CCM2: variants seen among roughly 807,000 people sequenced by gnomAD.
The protein encoded by CCM2 is CCM2 scaffold protein.
CCM2 carries 25 observed loss-of-function variants against 44.9 expected under a neutral mutation model. The observed-to-expected ratio is 0.56, with a 90% CI of 0.41 to 0.78. The LOEUF is 0.78. Ranked by LOEUF, CCM2 falls within the 30% of genes least tolerant of loss-of-function variation. CCM2 has a pLI of 0.00. For missense variants in CCM2, 481 were observed against 580.6 expected (o/e 0.83, Z 1.76); for synonymous variants, 219 against 241.1 (o/e 0.91, Z 0.85).
intron 1 of CCM2, among the ~76,000 whole-genome samples, chr7:45,015,330 C>G (rs1796221999): frequency 1.3e-5 from 2 of 152,154 alleles, no homozygotes; most frequent in South Asian, 4.1e-4. Flanking sequence ...CTCAGTCTCC[C>G]CATAGGTTAA....
At chr7:45,068,676 C>T (rs1264486324) in intron 5 of CCM2, 97 bp downstream of exon 5, 2 of 1,478,312 alleles carry the variant, frequency 1.4e-6, no homozygotes, top group African/African-American at 2.8e-5. Flanking sequence ...GTGCTGGGCA[C>T]TGCTGGGTGC....
rs141145575 is a variant in CCM2 at position 45,031,946 on chromosome 7, C to T, written c.31-6307C>T. 4.4e-3 allele frequency among the ~76,000 whole-genome samples: 674 copies of T among 152,226 alleles called. 3 individuals are homozygous for T. Among genetic ancestry groups the T allele is most frequent in the African/African-American group, 0.015 (604 of 41,544 alleles). On this transcript the variant is annotated intron_variant, in intron 1 of 9. Coordinates refer to ENST00000258781, the MANE Select transcript of CCM2 (RefSeq NM_031443.4). ...GGTGGCTTCTTGTTCAGTTTTGTATCTGGAATAGCAGAGAGCTCTTCCCCA... is the reference window on the plus strand; with the variant it reads ...GGTGGCTTCTTGTTCAGTTTTGTATTTGGAATAGCAGAGAGCTCTTCCCCA...
At chr7:45,025,137 A>G (rs1298259742) in intron 1 of CCM2, among the ~76,000 whole-genome samples, 6 of 152,222 alleles carry the variant, frequency 3.9e-5, no homozygotes, top group South Asian at 2.1e-4. Flanking sequence ...GCCAGGGGGC[A>G]AAATTGAGGC....
rs1296322342 is a variant in CCM2 at position 45,000,208 on chromosome 7, T to A, written c.-126T>A. ...GTGGGGCGCGGCCGGGGCGGAGACT[T>A]CGGGCCCGGCTGGCGGGCGGCGCCG... On this transcript the variant is annotated 5_prime_UTR_variant, in exon 1 of 10. Transcript: ENST00000258781. 2.2e-6 allele frequency: 1 copy of A among 451,162 alleles called. No homozygotes were observed. Among genetic ancestry groups the A allele is most frequent in the Non-Finnish European group, 2.8e-6 (1 of 356,372 alleles). The allele number at this position is 451,162 out of a possible 1,614,324, so 27.9% of individuals were successfully genotyped here. A position where few individuals can be genotyped will look rare whatever the true frequency, so the allele number is the denominator to read the frequency against.
chr7:45,019,936 C>G (rs1047850940), intron 1 of CCM2, among the ~76,000 whole-genome samples: 6 of 152,264 alleles, frequency 3.9e-5, no homozygotes, highest in Admixed American at 1.3e-4. Flanking sequence ...GGAGTCTCAC[C>G]TCCGCTTACG....
At position 45,049,756 on chromosome 7, in the gene CCM2, T is replaced by G. The variant is rs186569503; in HGVS notation, c.204+11330T>G. 4.0e-5 allele frequency among the ~76,000 whole-genome samples: 6 copies of G among 150,580 alleles called. No individual in the cohort carries two copies. The South Asian group carries it at 8.5e-4, about 21-fold the overall frequency. ...AATTGCTCTTCATAAAGGGTTGAAG[T>G]CAGTGCATACGTGAGGACTCTGTGA... On this transcript the variant is annotated intron_variant, in intron 2 of 9. Coordinates refer to ENST00000258781, the MANE Select transcript of CCM2 (RefSeq NM_031443.4).
At chr7:45,074,245 C>T in intron 8 of CCM2, 25 bp from the exon 9 acceptor site, 1 of 1,613,202 alleles carries the variant, frequency 6.2e-7, no homozygotes, top group Admixed American at 1.7e-5. Context: ...TGCCCAGCCC[C>T]CTATCTGGCT....
At chr7:45,013,166 C>T (rs1337938029) in intron 1 of CCM2, among the ~76,000 whole-genome samples, 1 of 152,092 alleles carries the variant, frequency 6.6e-6, no homozygotes, top group East Asian at 1.9e-4. Flanking sequence ...TGTCTTGTCA[C>T]AGATTACCAT....
intron 2 of CCM2, among the ~76,000 whole-genome samples, chr7:45,042,529 A>G (rs2128732553): frequency 1.3e-5 from 2 of 152,242 alleles, no homozygotes; most frequent in South Asian, 4.1e-4. Flanking sequence ...AAAAATCTTG[A>G]AAGTGGCAAG....
intron 8 of CCM2, 84 bp from the exon 9 acceptor site, chr7:45,074,186 G>A: frequency 1.2e-6 from 2 of 1,602,628 alleles, no homozygotes; most frequent in Non-Finnish European, 1.7e-6. Context: ...CTCTGGCTGG[G>A]GTTAGTGGCT....
intron 2 of CCM2, among the ~76,000 whole-genome samples, chr7:45,059,887 G>A (rs988594779): frequency 6.6e-6 from 1 of 152,240 alleles, no homozygotes; most frequent in African/African-American, 2.4e-5. Context: ...AGTATTCCCA[G>A]TTCACTCCTC....
At chr7:45,036,841 A>G (rs759707320) in intron 1 of CCM2, among the ~76,000 whole-genome samples, 1 of 152,018 alleles carries the variant, frequency 6.6e-6, no homozygotes, top group Non-Finnish European at 1.5e-5. Flanking sequence ...TTTGGTGATA[A>G]GGGGGGTCTG....
chr7:45,059,421 A>T (rs571567886), intron 2 of CCM2, among the ~76,000 whole-genome samples: 16 of 145,186 alleles, frequency 1.1e-4, no homozygotes, highest in African/African-American at 3.7e-4. Context: ...TGTCTGTTAA[A>T]AAAAAAAAAA....
intron 2 of CCM2, among the ~76,000 whole-genome samples, chr7:45,051,803 C>T (rs906230935): frequency 5.3e-5 from 8 of 152,064 alleles, no homozygotes; most frequent in Admixed American, 3.9e-4. Context: ...CCTCGTGATC[C>T]GCCCACCTCG....
intron 1 of CCM2, among the ~76,000 whole-genome samples, chr7:45,017,057 C>T (rs1422811741): frequency 6.6e-6 from 1 of 152,228 alleles, no homozygotes. Context: ...GCGTGAGCCA[C>T]TGCATCTGGC....
intron 1 of CCM2, chr7:45,027,499 G>A: frequency 1.2e-6 from 1 of 819,950 alleles, no homozygotes; most frequent in South Asian, 1.7e-5. Context: ...TTTACTTTGT[G>A]TCTTTTTGTG....
At chr7:45,018,915 A>G (rs535740848) in intron 1 of CCM2, among the ~76,000 whole-genome samples, 16 of 150,158 alleles carry the variant, frequency 1.1e-4, no homozygotes, top group Admixed American at 2.6e-4. Flanking sequence ...ATGCACCACC[A>G]TGCCAGGCTA....
intron 1 of CCM2, among the ~76,000 whole-genome samples, chr7:45,033,371 A>T (rs956188455): frequency 3.3e-5 from 5 of 152,126 alleles, no homozygotes; most frequent in Admixed American, 2.6e-4. Context: ...GGACCTGTTG[A>T]TTTGGTGTGG....
chr7:45,073,462 G>A lies in CCM2; in HGVS notation c.806G>A (p.Cys269Tyr). 1.2e-6 allele frequency: 2 copies of A among 1,612,974 alleles called. No homozygotes were observed. The highest frequency in any genetic ancestry group is 3.3e-4 in the Middle Eastern group (2 of 6,054). Residue 269 changes from cysteine (C) to tyrosine (Y), a missense_variant and splice_region_variant, in exon 8 of 10, where the codon TGC becomes TAC. Transcript: ENST00000258781. ...ETYEVEASTFCFPESVDVGGA... is the reference protein window; with the variant it reads ...ETYEVEASTFYFPESVDVGGA... ...TCACATACCACATTCTTTCGCAGCT[G>A]CTTCCCTGAATCTGTGGATGTGGGT...
Sources: gnomAD v4.1 joint callset for allele counts (sites outside exome capture counted in the v4.1 genomes callset) on GRCh38, gnomAD v4.1.1 for gene constraint, MANE v1.5 for transcripts, NCBI Gene and HGNC (gene_info 2026-07-23, HGNC 2026-07-21) for gene names.